THADA: variants seen among roughly 807,000 people sequenced by gnomAD.
THADA encodes tRNA (32-2'-O)-methyltransferase regulator THADA.
A neutral mutation model predicts 219.8 loss-of-function variants in THADA; 213 were observed. The ratio of observed to expected loss-of-function variants is 0.97; its 90% CI spans 0.87 to 1.09. The LOEUF is 1.09. Ranked by LOEUF, THADA falls within the 50% of genes least tolerant of loss-of-function variation. The pLI is 0.00. For missense variants in THADA, 2,956 were observed against 2,311.3 expected (o/e 1.28, Z -5.72); for synonymous variants, 1,018 against 828.9 (o/e 1.23, Z -3.92).
intron 29 of THADA, among the ~76,000 whole-genome samples, chr2:43,345,049 C>T (rs1667488520): frequency 6.6e-6 from 1 of 152,226 alleles, no homozygotes; most frequent in African/African-American, 2.4e-5. Flanking sequence ...TTATCTAAAT[C>T]AAGAGGAAGA....
At chr2:43,247,302 C>T (rs752467969) in intron 36 of THADA, among the ~76,000 whole-genome samples, 3 of 152,032 alleles carry the variant, frequency 2.0e-5, no homozygotes, top group Non-Finnish European at 4.4e-5. Flanking sequence ...GTTAGTAACA[C>T]TAAAAACTGC....
Position 43,581,772 on chromosome 2 carries a change from C to G in THADA, c.690G>C (p.Leu230Phe). The part of the protein sequence containing the change: ...DSPIWQNMCG[L>F]LSIFTKVLSD... Reference sequence around the variant, plus strand: ...TTAAAACCTTGGTAAAAATACTCAGCAATCCACACATATTTTGCCATATGG... The same window carrying G: ...TTAAAACCTTGGTAAAAATACTCAGGAATCCACACATATTTTGCCATATGG... The change falls in exon 8 of 38, where the codon TTG becomes TTC. Residue 230 changes from leucine to phenylalanine, a missense_variant. Coordinates refer to ENST00000405975, the MANE Select transcript of THADA (RefSeq NM_022065.5). 1.2e-6 allele frequency: 2 copies of G among 1,611,486 alleles called. No individual in the cohort carries two copies. The highest frequency in any genetic ancestry group is 1.7e-6 in the Non-Finnish European group (2 of 1,179,426).
chr2:43,304,688 T>G (rs1008973536), intron 31 of THADA, among the ~76,000 whole-genome samples: 1 of 151,866 alleles, frequency 6.6e-6, no homozygotes, highest in Non-Finnish European at 1.5e-5. Context: ...TTTTTTTTTT[T>G]TGTGATGGAG....
chr2:43,334,426 A>T (rs1006203844), intron 30 of THADA, among the ~76,000 whole-genome samples: 1 of 152,182 alleles, frequency 6.6e-6, no homozygotes, highest in Non-Finnish European at 1.5e-5. Context: ...GGCTTTCAAC[A>T]AACATTAGCT....
At chr2:43,447,848 G>T (rs1019886101) in intron 26 of THADA, among the ~76,000 whole-genome samples, 1 of 151,764 alleles carries the variant, frequency 6.6e-6, no homozygotes, top group Admixed American at 6.6e-5. Context: ...CATTTCCTTT[G>T]TACTTTGGAC....
intron 35 of THADA, among the ~76,000 whole-genome samples, chr2:43,280,892 G>A (rs1558510807): frequency 6.6e-6 from 1 of 152,348 alleles, no homozygotes; most frequent in East Asian, 1.9e-4. Context: ...GAACAAAATT[G>A]TGTGGCTGTG....
chr2:43,249,798 C>G (rs72875593), intron 36 of THADA, among the ~76,000 whole-genome samples: 3,828 of 152,264 alleles, frequency 0.025, 148 homozygotes, highest in African/African-American at 0.084. Context: ...CTTCCCACCC[C>G]CATCCAAGCT....
intron 36 of THADA, among the ~76,000 whole-genome samples, chr2:43,254,055 C>A (rs750964024): frequency 2.0e-5 from 3 of 151,926 alleles, no homozygotes; most frequent in Non-Finnish European, 4.4e-5. Context: ...CATGGGTACC[C>A]GCTCCAGACA....
chr2:43,272,676 G>C (rs1176755144), intron 36 of THADA, among the ~76,000 whole-genome samples: 6 of 148,324 alleles, frequency 4.0e-5, no homozygotes, highest in African/African-American at 1.5e-4. Context: ...CTAGGCTGGA[G>C]TGCAGTAGCA....
intron 26 of THADA, among the ~76,000 whole-genome samples, chr2:43,481,299 A>G (rs140975783): frequency 2.0e-5 from 3 of 152,352 alleles, no homozygotes; most frequent in African/African-American, 7.2e-5. Context: ...AGTCACTAGA[A>G]ACAATTTTAC....
chr2:43,380,024 G>A (rs979837674), intron 29 of THADA, among the ~76,000 whole-genome samples: 1 of 152,202 alleles, frequency 6.6e-6, no homozygotes, highest in Non-Finnish European at 1.5e-5. Context: ...AGAGTTTTGT[G>A]GAGATAGGAA....
At chr2:43,545,315 G>A (rs1306991528) in intron 20 of THADA, among the ~76,000 whole-genome samples, 1 of 151,728 alleles carries the variant, frequency 6.6e-6, no homozygotes, top group East Asian at 1.9e-4. Context: ...TGTTCATCAA[G>A]GATATTGGTC....
At chr2:43,244,005 G>T (rs1377831871) in intron 36 of THADA, among the ~76,000 whole-genome samples, 2 of 152,026 alleles carry the variant, frequency 1.3e-5, no homozygotes, top group African/African-American at 4.8e-5. Context: ...TAAAAGAAAA[G>T]ATAATTTCAA....
At chr2:43,333,443 T>A (rs1324558854) in intron 30 of THADA, among the ~76,000 whole-genome samples, 1 of 151,576 alleles carries the variant, frequency 6.6e-6, no homozygotes, top group Non-Finnish European at 1.5e-5. Flanking sequence ...TGAAAAGCAG[T>A]TACTACCTCT....
chr2:43,441,791 T>C (rs1680874724), intron 26 of THADA, among the ~76,000 whole-genome samples: 1 of 152,246 alleles, frequency 6.6e-6, no homozygotes, highest in Non-Finnish European at 1.5e-5. Context: ...AGGTCATATT[T>C]GAATCTCCCT....
rs59087377 is a variant in THADA at position 43,384,239 on chromosome 2, G to C, written c.4227+13732C>G. Among the ~76,000 whole-genome samples the C allele has an allele frequency of 6.2e-3, 947 of 152,292 alleles. 13 individuals carry two copies. The highest frequency in any genetic ancestry group is 0.022 in the African/African-American group (920 of 41,550). On this transcript the variant is annotated intron_variant, in intron 29 of 37. Transcript: ENST00000405975. ...AATCACACATTTTTCCAGAATAGAA[G>C]AAGTGATGATCTTCAAGACACATTT...
chr2:43,537,267 T>C (rs1694728184), intron 21 of THADA, among the ~76,000 whole-genome samples: 1 of 152,364 alleles, frequency 6.6e-6, no homozygotes, highest in South Asian at 2.1e-4. Flanking sequence ...ATATTAACTG[T>C]TGCCCTGTAG....
At position 43,592,343 on chromosome 2, in the gene THADA, C is replaced by A. The variant is rs1403967737; in HGVS notation, c.50G>T (p.Cys17Phe). 6.2e-6 allele frequency: 10 copies of A among 1,608,220 alleles called. No individual in the cohort carries two copies. Among genetic ancestry groups the A allele is most frequent in the Non-Finnish European group, 7.6e-6 (9 of 1,177,458 alleles). Residue 17 changes from cysteine to phenylalanine, a missense_variant, in exon 2 of 38, where the codon TGC (cysteine) becomes TTC (phenylalanine). Transcript: ENST00000405975. ...TTTCAAAGTTTCAAGGTCCTGATGGCAAATGGTCAGCGCAGCAACTTGCAT... is the reference window on the plus strand; with the variant it reads ...TTTCAAAGTTTCAAGGTCCTGATGGAAAATGGTCAGCGCAGCAACTTGCAT... ...KEMQVAALTI[C>F]HQDLETLKSF...
At chr2:43,435,737 C>T (rs972897267) in intron 26 of THADA, among the ~76,000 whole-genome samples, 4 of 138,382 alleles carry the variant, frequency 2.9e-5, no homozygotes, top group East Asian at 2.1e-4. Flanking sequence ...GAGCTGAGAT[C>T]GTGTAACTGT....
Sources: allele counts gnomAD v4.1 joint callset (sites outside exome capture counted in the v4.1 genomes callset), GRCh38; gene constraint gnomAD v4.1.1; transcripts MANE v1.5; gene names NCBI Gene and HGNC (gene_info 2026-07-23, HGNC 2026-07-21).